The following KLHL9 variants were observed in gnomAD, a reference collection of about 807,000 sequenced individuals.
The protein encoded by KLHL9 is kelch like family member 9.
Under a neutral mutation model 42.3 loss-of-function variants are expected in KLHL9, and 27 were observed. The observed-to-expected ratio is 0.64, with a 90% CI of 0.47 to 0.88. KLHL9 has a LOEUF of 0.88. KLHL9 is among the 40% of genes least tolerant of loss of function. The probability of loss-of-function intolerance (pLI) is 0.00; values close to 1 mark genes in which losing one functional copy is unlikely to be tolerated. For synonymous variants in KLHL9, 274 were observed against 254.4 expected (o/e 1.08, Z -0.73); for missense variants, 629 against 750.3 (o/e 0.84, Z 1.89).
Position 21,333,385 on chromosome 9 carries a change from C to A in KLHL9, c.1475G>T (p.Gly492Val), listed in dbSNP as rs1269872164. ...VRGLHCMCTV[G>V]DKLYVIGGNH... is the part of the protein sequence containing the mutation. ...GCCACCAATGACATAGAGCTTATCT[C>A]CAACTGTACACATGCAATGCAGACC... Residue 492 changes from glycine (G) to valine (V), a missense_variant, in exon 1 of 1, where the codon GGA becomes GTA. Gly to Val is a moderately radical substitution (Grantham distance 109, BLOSUM62 -3). Around this residue, in one of 4 missense-constraint regions of KLHL9, gnomAD observed 214 missense variants for 305.8 expected, o/e 0.70. Coordinates refer to ENST00000359039, the MANE Select transcript of KLHL9 (RefSeq NM_018847.4). This position sits in a 1 kb window ranked among gnomAD's most constrained non-coding sequence, Gnocchi z 7.5. The A allele has an allele frequency of 2.5e-6, 4 of 1,614,100 alleles. No homozygotes were observed. The African/African-American group carries it at 5.3e-5, about 22-fold the overall frequency.
rs912349715 is a variant in KLHL9, at chr9:21,333,633, T to C, written c.1227A>G (p.Ala409=). 1.2e-6 allele frequency: 2 copies of C among 1,614,114 alleles called. No individual in the cohort carries two copies. Among genetic ancestry groups the C allele is most frequent in the Non-Finnish European group, 1.7e-6 (2 of 1,180,052 alleles). The part of the protein sequence containing the change: ...GHLYAVGGRS[A]AGELATVECY... ...ATTCTACTGTGGCCAGTTCACCAGC[T>C]GCACTGCGCCCACCAACTGCATACA... Residue 409 remains alanine (A), a synonymous_variant, in exon 1 of 1, where the codon GCA becomes GCG. Transcript: ENST00000359039. This position sits in a 1 kb window ranked among gnomAD's most constrained non-coding sequence, Gnocchi z 7.5.
At position 21,334,378 on chromosome 9, in the gene KLHL9, G is replaced by C; in HGVS notation, c.482C>G (p.Ala161Gly). Residue 161 changes from alanine (A) to glycine (G), a missense_variant, in exon 1 of 1, where the codon GCT becomes GGT. This residue lies in a region of KLHL9 where 351 missense variants were observed against 363.1 expected (regional missense o/e 0.97). Transcript: ENST00000359039. The surrounding 1 kb of genome is among the most constrained non-coding windows in gnomAD (Gnocchi z 5.1). ...CACTTCTATAAGATTGTAGGTGTTA[G>C]CAATTCGTCCAACCTCAACACAGTT... ...LDNCVEVGRI[A>G]NTYNLIEVDK... 6.2e-7 allele frequency: 1 copy of C among 1,613,714 alleles called. No individual in the cohort carries two copies. Among genetic ancestry groups the C allele is most frequent in the East Asian group, 2.2e-5 (1 of 44,880 alleles).
Position 21,333,218 on chromosome 9 carries a change from A to C in KLHL9, c.1642T>G (p.Tyr548Asp). ...TTCCAAGAATATCCACCAACAACATAGATTTTATTTTCAAAGACGGCAACT... is the reference window on the plus strand; with the variant it reads ...TTCCAAGAATATCCACCAACAACATCGATTTTATTTTCAAAGACGGCAACT... ...VGVAVFENKI[Y>D]VVGGYSWNNR... Residue 548 changes from tyrosine (Y) to aspartate (D), a missense_variant, in exon 1 of 1, where the codon TAT becomes GAT. Coordinates refer to ENST00000359039, the MANE Select transcript of KLHL9 (RefSeq NM_018847.4). This position sits in a 1 kb window ranked among gnomAD's most constrained non-coding sequence, Gnocchi z 7.5. The C allele has an allele frequency of 6.2e-7, 1 of 1,613,698 alleles. No individual in the cohort carries two copies. The highest frequency in any genetic ancestry group is 1.1e-5 in the South Asian group (1 of 91,072).
Position 21,335,178 on chromosome 9 carries a change from A to G in KLHL9, c.-319T>C. ...AGCAGTTCCGCTTCGGGCAAGGAAG[A>G]GGCGCCGCCACGTACTGTGGCTCCA... On this transcript the variant is annotated 5_prime_UTR_variant, in exon 1 of 1. Transcript: ENST00000359039. 4 of 514,546 alleles carry G rather than the reference A, an allele frequency of 7.8e-6. No homozygotes were observed. The highest frequency in any genetic ancestry group is 1.1e-5 in the Non-Finnish European group (3 of 285,648). 31.9% of individuals were successfully genotyped at this position (514,546 alleles called of 1,614,324 possible).
In KLHL9 at chr9:21,333,132, T is replaced by C. The variant is rs571268412; in HGVS notation, c.1728A>G (p.Lys576=). ...KYDPEKDEWH[K]VFDLPESLGG... ...CAAGTGACTCTGGAAGATCAAAAAC[T>C]TTATGCCACTCATCTTTTTCTGGGT... Residue 576 remains lysine (K), a synonymous_variant, in exon 1 of 1, where the codon AAA becomes AAG. Coordinates refer to ENST00000359039, the MANE Select transcript of KLHL9 (RefSeq NM_018847.4). This position sits in a 1 kb window ranked among gnomAD's most constrained non-coding sequence, Gnocchi z 7.5. 1 of 1,614,162 alleles carries C rather than the reference T, an allele frequency of 6.2e-7. No individual in the cohort carries two copies. The highest frequency in any genetic ancestry group is 1.1e-5 in the South Asian group (1 of 91,070).
rs773826111 is a variant in KLHL9, at chr9:21,332,051, AC to A, written c.*954del. 1.3e-4 allele frequency: 20 copies of A among 152,438 alleles called. No individual in the cohort carries two copies. The highest frequency in any genetic ancestry group is 2.6e-4 in the Non-Finnish European group (18 of 68,034). The allele number at this position is 152,438 out of a possible 1,614,324, so 9.4% of individuals were successfully genotyped here. ...ACTGACCAAAAAGGTGGAAAAAAGA[AC>A]CTAAATTTTCTGCACAAAAGCAGTT... On this transcript the variant is annotated 3_prime_UTR_variant, in exon 1 of 1. Coordinates refer to ENST00000359039, the MANE Select transcript of KLHL9 (RefSeq NM_018847.4).
Position 21,335,160 on chromosome 9 carries a change from C to G in KLHL9, c.-301G>C. On this transcript the variant is annotated 5_prime_UTR_variant, in exon 1 of 1. Coordinates refer to ENST00000359039, the MANE Select transcript of KLHL9 (RefSeq NM_018847.4). ...CTGCGCTGCCGCTCCTTCAGCAGTT[C>G]CGCTTCGGGCAAGGAAGAGGCGCCG... The G allele has an allele frequency of 1.9e-6, 1 of 521,234 alleles. No homozygotes were observed. The allele number at this position is 521,234 out of a possible 1,614,324, so 32.3% of individuals were successfully genotyped here.
chr9:21,332,333 T>C lies in KLHL9; in HGVS notation c.*673A>G, dbSNP rs1192232748. ...AAGAAACTTCAATTTAAAAACAATT[T>C]CAGCATCGTTGAAGTGCCAATCAGT... On this transcript the variant is annotated 3_prime_UTR_variant, in exon 1 of 1. Transcript: ENST00000359039. 1.3e-5 allele frequency: 2 copies of C among 152,576 alleles called. No individual in the cohort carries two copies. Among genetic ancestry groups the C allele is most frequent in the African/African-American group, 4.8e-5 (2 of 41,440 alleles). 9.5% of individuals were successfully genotyped at this position (152,576 alleles called of 1,614,324 possible). A position where few individuals can be genotyped will look rare whatever the true frequency, so the allele number is the denominator to read the frequency against.
In KLHL9 at chr9:21,334,040, T is replaced by C; in HGVS notation, c.820A>G (p.Ser274Gly). The change falls in exon 1 of 1, where the codon AGC becomes GGC. Residue 274 changes from serine (S) to glycine (G), a missense_variant. Physicochemically the swap from Ser to Gly is moderately conservative, Grantham distance 56. Coordinates refer to ENST00000359039, the MANE Select transcript of KLHL9 (RefSeq NM_018847.4). This position sits in a 1 kb window ranked among gnomAD's most constrained non-coding sequence, Gnocchi z 5.1. ...ATATATGGCATCATTTGGTAATTGC[T>C]AGCTTCCAAAAGCAAATTCACGCAG... ...NTCVNLLLEA[S>G]NYQMMPYMQP... 6.2e-7 allele frequency: 1 copy of C among 1,614,242 alleles called. No homozygotes were observed. Among genetic ancestry groups the C allele is most frequent in the Non-Finnish European group, 8.5e-7 (1 of 1,180,044 alleles).
chr9:21,333,757 G>T lies in KLHL9; in HGVS notation c.1103C>A (p.Thr368Lys). The stretch of plus-strand genomic sequence containing the variant: ...ATACCGAGGATCAAATCTGAAAACT[G>T]TATCAACAGCAGTTTTTCCTTTTGT... ...YDTKGKTAVD[T>K]VFRFDPRYNK... is the part of the protein sequence containing the mutation. Residue 368 changes from threonine to lysine, a missense_variant, in exon 1 of 1, where the codon ACA becomes AAA. Physicochemically the swap from Thr to Lys is moderately conservative, Grantham distance 78 (BLOSUM62 -1). This residue lies in a region of KLHL9 where 214 missense variants were observed against 305.8 expected (regional missense o/e 0.70). Transcript: ENST00000359039. This position sits in a 1 kb window ranked among gnomAD's most constrained non-coding sequence, Gnocchi z 7.5. 1 of 1,613,792 alleles carries T rather than the reference G, an allele frequency of 6.2e-7. No homozygotes were observed. Among genetic ancestry groups the T allele is most frequent in the South Asian group, 1.1e-5 (1 of 91,082 alleles).
rs1820140747 is a variant in KLHL9 at position 21,329,873 on chromosome 9, A to C, written c.*3133T>G. 1.3e-5 allele frequency: 2 copies of C among 151,918 alleles called. No individual in the cohort carries two copies. The highest frequency in any genetic ancestry group is 1.3e-4 in the Admixed American group (2 of 15,270). The allele number at this position is 151,918 out of a possible 1,614,324, so 9.4% of individuals were successfully genotyped here. ...CTGTACGTTCTATAATAGACATATC[A>C]AAAAAGCTAACAAATGTTAATTTTT... On this transcript the variant is annotated 3_prime_UTR_variant, in exon 1 of 1. Coordinates refer to ENST00000359039, the MANE Select transcript of KLHL9 (RefSeq NM_018847.4).
In KLHL9 at chr9:21,330,615, G is replaced by T. The variant is rs917883262; in HGVS notation, c.*2391C>A. 9 of 152,106 alleles carry T rather than the reference G, an allele frequency of 5.9e-5. No homozygotes were observed. The highest frequency in any genetic ancestry group is 2.0e-4 in the Admixed American group (3 of 15,254). The allele number at this position is 152,106 out of a possible 1,614,324, so 9.4% of individuals were successfully genotyped here. ...GAAGCACCAGGTTCAGACATAAGAT[G>T]TAATAAAAAGTACTTTTTTTCAATA... is the stretch of plus-strand genomic sequence containing the variant. On this transcript the variant is annotated 3_prime_UTR_variant, in exon 1 of 1. Transcript: ENST00000359039.
In KLHL9 at chr9:21,333,534, T is replaced by A. The variant is rs1021583562; in HGVS notation, c.1326A>T (p.Thr442=). The A allele has an allele frequency of 1.9e-6, 3 of 1,614,220 alleles. No homozygotes were observed. Among genetic ancestry groups the A allele is most frequent in the South Asian group, 2.2e-5 (2 of 91,082 alleles). The part of the protein sequence containing the change: ...MSEPHYGHAG[T]VYGGLMYISG... ...AAATATACATTAAGCCTCCATATACTGTTCCAGCATGACCATAGTGGGGTT... is the reference window on the plus strand; with the variant it reads ...AAATATACATTAAGCCTCCATATACAGTTCCAGCATGACCATAGTGGGGTT... The change falls in exon 1 of 1, where the codon ACA becomes ACT. Residue 442 remains threonine, a synonymous_variant. Transcript: ENST00000359039. The surrounding 1 kb of genome is among the most constrained non-coding windows in gnomAD (Gnocchi z 7.5).
In KLHL9 at chr9:21,333,437, G is replaced by A. The variant is rs1563854277; in HGVS notation, c.1423C>T (p.Gln475Ter). ...CTGACTGTAGTCATTGGAGCCTTTT[G>A]CATCCATTTATCTGTATCTGGGTCA... Reference protein sequence around the residue: ...CFDPDTDKWMQKAPMTTVRGL... With the variant: ...CFDPDTDKWM The change falls in exon 1 of 1, where the codon CAA becomes TAA. Residue 475 changes from glutamine to a stop codon, truncating the protein, a stop_gained. Transcript: ENST00000359039. LOFTEE classifies it high-confidence loss of function. The surrounding 1 kb of genome is among the most constrained non-coding windows in gnomAD (Gnocchi z 7.5). 1 of 1,614,014 alleles carries A rather than the reference G, an allele frequency of 6.2e-7. No homozygotes were observed. The highest frequency in any genetic ancestry group is 8.5e-7 in the Non-Finnish European group (1 of 1,180,034).
chr9:21,334,735 T>C lies in KLHL9; in HGVS notation c.125A>G (p.Gln42Arg). The C allele has an allele frequency of 6.2e-7, 1 of 1,612,688 alleles. No homozygotes were observed. The highest frequency in any genetic ancestry group is 2.2e-5 in the East Asian group (1 of 44,832). Residue 42 changes from glutamine (Q) to arginine (R), a missense_variant, in exon 1 of 1, where the codon CAG becomes CGG. Gln to Arg is a conservative substitution (Grantham distance 43, BLOSUM62 1). Around this residue, in one of 4 missense-constraint regions of KLHL9, gnomAD observed 351 missense variants for 363.1 expected, o/e 0.97. Transcript: ENST00000359039. This position sits in a 1 kb window ranked among gnomAD's most constrained non-coding sequence, Gnocchi z 5.1. Reference sequence around the variant, plus strand: ...ACAAAGCAATCCTTCTATTCTAAGCTGATCAAAGCCTTGCAATACCACCGA... The same window carrying C: ...ACAAAGCAATCCTTCTATTCTAAGCCGATCAAAGCCTTGCAATACCACCGA... ...HSSVVLQGFDQLRIEGLLCDV... is the reference protein window; with the variant it reads ...HSSVVLQGFDRLRIEGLLCDV...
Position 21,333,274 on chromosome 9 carries a change from G to A in KLHL9, c.1586C>T (p.Ala529Val). 2 of 1,614,136 alleles carry A rather than the reference G, an allele frequency of 1.2e-6. No individual in the cohort carries two copies. Among genetic ancestry groups the A allele is most frequent in the African/African-American group, 2.7e-5 (2 of 75,024 alleles). The change falls in exon 1 of 1, where the codon GCC becomes GTC. Residue 529 changes from alanine to valine, a missense_variant. Ala to Val is a moderately conservative substitution (Grantham distance 64). Coordinates refer to ENST00000359039, the MANE Select transcript of KLHL9 (RefSeq NM_018847.4). This position sits in a 1 kb window ranked among gnomAD's most constrained non-coding sequence, Gnocchi z 7.5. ...SPTLDQWTPI[A>V]AMLRGQSDVG... ...ATCACTTTGGCCTCTTAACATGGCGGCAATTGGGGTCCACTGGTCAAGGGT... is the reference window on the plus strand; with the variant it reads ...ATCACTTTGGCCTCTTAACATGGCGACAATTGGGGTCCACTGGTCAAGGGT...
chr9:21,334,572 A>G lies in KLHL9; in HGVS notation c.288T>C (p.His96=), dbSNP rs757817069. Residue 96 remains histidine (H), a synonymous_variant, in exon 1 of 1, where the codon CAT becomes CAC. Coordinates refer to ENST00000359039, the MANE Select transcript of KLHL9 (RefSeq NM_018847.4). This position sits in a 1 kb window ranked among gnomAD's most constrained non-coding sequence, Gnocchi z 5.1. ...KEQDLMCIKL[H]GVNKVGLKKI... ...TCTTCAGACCAACCTTGTTCACCCC[A>G]TGAAGCTTAATGCACATCAAATCTT... 16 of 1,614,078 alleles carry G rather than the reference A, an allele frequency of 9.9e-6. No homozygotes were observed. Among genetic ancestry groups the G allele is most frequent in the East Asian group, 2.2e-5 (1 of 44,904 alleles).
rs1820154477 is a variant in KLHL9 at position 21,330,762 on chromosome 9, A to G, written c.*2244T>C. 6.6e-6 allele frequency: 1 copy of G among 152,172 alleles called. No homozygotes were observed. Among genetic ancestry groups the G allele is most frequent in the South Asian group, 2.1e-4 (1 of 4,826 alleles). The allele number at this position is 152,172 out of a possible 1,614,324, so 9.4% of individuals were successfully genotyped here. A position where few individuals can be genotyped will look rare whatever the true frequency, so the allele number is the denominator to read the frequency against. On this transcript the variant is annotated 3_prime_UTR_variant, in exon 1 of 1. Coordinates refer to ENST00000359039, the MANE Select transcript of KLHL9 (RefSeq NM_018847.4). ...ATTATCCCCTAACCCCATCTCTACT[A>G]AAAATACAAAATTAGCCGGGCTTGG... is the stretch of plus-strand genomic sequence containing the variant.
Position 21,334,875 on chromosome 9 carries a change from T to C in KLHL9, c.-16A>G, listed in dbSNP as rs746699778. 8.4e-5 allele frequency: 136 copies of C among 1,613,946 alleles called. No individual in the cohort carries two copies. Among genetic ancestry groups the C allele is most frequent in the Non-Finnish European group, 1.0e-4 (122 of 1,180,016 alleles). ...ACACTTTCATGTGAAAGCTTTCCTC[T>C]TGCACAGAGATGCAAGCCGGATAAA... On this transcript the variant is annotated 5_prime_UTR_variant, in exon 1 of 1. Transcript: ENST00000359039. The surrounding 1 kb of genome is among the most constrained non-coding windows in gnomAD (Gnocchi z 5.1).
Sources: allele counts gnomAD v4.1 joint callset, GRCh38; gene constraint gnomAD v4.1.1; regional missense constraint gnomAD v4.1.1; non-coding constraint Gnocchi (gnomAD v3.1); transcripts MANE v1.5; gene names NCBI Gene and HGNC (gene_info 2026-07-23, HGNC 2026-07-21).